Variants in MOV10 observed in about 807,000 individuals in gnomAD.
MOV10 encodes the protein RNA helicase MOV-10.
In MOV10, 39 loss-of-function variants were observed where a neutral mutation model predicts 108.4. The ratio of observed to expected loss-of-function variants is 0.36; its 90% CI spans 0.28 to 0.47. The LOEUF is 0.47. Ranked by LOEUF, MOV10 falls within the 20% of genes least tolerant of loss-of-function variation. The pLI is 1.00. For missense variants in MOV10, 952 were observed against 1,297.6 expected (o/e 0.73, Z 4.09); for synonymous variants, 490 against 523.1 (o/e 0.94, Z 0.86).
chr1:112,680,992 G>A (rs1672604671), intron 2 of MOV10, among the ~76,000 whole-genome samples: 1 of 151,830 alleles, frequency 6.6e-6, no homozygotes, highest in African/African-American at 2.4e-5. Flanking sequence ...GTGAGCTACT[G>A]CACCCGGTTC....
Position 112,691,655 on chromosome 1 carries a change from G to T in MOV10, c.837-10G>T, listed in dbSNP as rs1231215566. The T allele has an allele frequency of 6.2e-7, 1 of 1,611,146 alleles. No individual in the cohort carries two copies. The highest frequency in any genetic ancestry group is 1.1e-5 in the South Asian group (1 of 90,994). ...GGGGTTTTCTGTGTTTTCTTCCCTC[G>T]ATTCTGCAGCGCTAAGGGCTATGAC... On this transcript the variant is annotated splice_polypyrimidine_tract_variant and intron_variant, in intron 5 of 20. Coordinates refer to ENST00000369645, the MANE Select transcript of MOV10 (RefSeq NM_001321324.2).
At position 112,690,098 on chromosome 1, in the gene MOV10, G is replaced by C; in HGVS notation, c.836G>C (p.Arg279Pro). ...ATAGAGGAAGGAGAGAGACCTGACC[G>C]GTAACTCCTCCCTCCAACTCAGCCC... ...NRIEEGERPDRAKGYDLELSM... is the reference protein window; with the variant it reads ...NRIEEGERPDPAKGYDLELSM... Residue 279 changes from arginine to proline, a missense_variant and splice_region_variant, in exon 5 of 21, where the codon CGC becomes CCC. By Grantham distance (103) the Arg-to-Pro change is moderately radical (BLOSUM62 -2). Coordinates refer to ENST00000369645, the MANE Select transcript of MOV10 (RefSeq NM_001321324.2). 1 of 1,612,432 alleles carries C rather than the reference G, an allele frequency of 6.2e-7. No individual in the cohort carries two copies. The highest frequency in any genetic ancestry group is 2.2e-5 in the East Asian group (1 of 44,848).
Position 112,698,770 on chromosome 1 carries a change from A to T in MOV10, c.2564A>T (p.Asp855Val). The T allele has an allele frequency of 6.2e-7, 1 of 1,614,102 alleles. No individual in the cohort carries two copies. The highest frequency in any genetic ancestry group is 8.5e-7 in the Non-Finnish European group (1 of 1,179,964). Reference sequence around the variant, plus strand: ...CTTGACAGGGAGCTTCGAGGACTGGATGACATCAAGGACTTGAAGGTGACA... The same window carrying T: ...CTTGACAGGGAGCTTCGAGGACTGGTTGACATCAAGGACTTGAAGGTGACA... ...TKLDRELRGL[D>V]DIKDLKVGSV... Residue 855 changes from aspartate to valine, a missense_variant, in exon 17 of 21, where the codon GAT (aspartate) becomes GTT (valine). Physicochemically the swap from Asp to Val is radical, Grantham distance 152. Transcript: ENST00000369645.
At chr1:112,689,377 T>TTCCCCC in intron 3 of MOV10, 38 bp from the exon 4 acceptor site, 1 of 792,810 alleles carries the variant, frequency 1.3e-6, no homozygotes, top group Non-Finnish European at 2.2e-6. Context: ...GTCAGACCGC[T>TTCCCCC]CCCACCCCAA....
Position 112,675,489 on chromosome 1 carries a change from C to T in MOV10, c.137+440C>T, listed in dbSNP as rs1672126358. ...AGCCCGAGCGCGGGCTTTACAGGGA[C>T]CTCTGCCACCTTGTTGAGGCGCTGC... On this transcript the variant is annotated intron_variant, in intron 2 of 20. Coordinates refer to ENST00000369645, the MANE Select transcript of MOV10 (RefSeq NM_001321324.2). The surrounding 1 kb of genome is among the most constrained non-coding windows in gnomAD (Gnocchi z 4.7). 6.6e-6 allele frequency among the ~76,000 whole-genome samples: 1 copy of T among 152,204 alleles called. No homozygotes were observed. The highest frequency in any genetic ancestry group is 6.5e-5 in the Admixed American group (1 of 15,282).
At chr1:112,692,952 A>T (rs920013649) in intron 7 of MOV10, 23 bp downstream of exon 7, 42 of 1,592,278 alleles carry the variant, frequency 2.6e-5, no homozygotes, top group Non-Finnish European at 3.2e-5. Context: ...ATTGAGTGTG[A>T]GGAGGGTGGG....
At chr1:112,685,759 TAA>T (rs1673032335) in intron 2 of MOV10, among the ~76,000 whole-genome samples, 5 of 152,062 alleles carry the variant, frequency 3.3e-5, no homozygotes, top group Non-Finnish European at 1.5e-5. Context: ...AAGAATATAA[TAA>T]GTTTGTGATT....
chr1:112,675,096 T>A lies in MOV10; in HGVS notation c.137+47T>A. 1 of 1,561,904 alleles carries A rather than the reference T, an allele frequency of 6.4e-7. No individual in the cohort carries two copies. Among genetic ancestry groups the A allele is most frequent in the Non-Finnish European group, 8.6e-7 (1 of 1,159,468 alleles). Reference sequence around the variant, plus strand: ...GCCCCGAATCGCGGGCCCAGCTTGCTGCCACGACCCCCGCGCGAGGGCCAC... The same window carrying A: ...GCCCCGAATCGCGGGCCCAGCTTGCAGCCACGACCCCCGCGCGAGGGCCAC... On this transcript the variant is annotated intron_variant, in intron 2 of 20. Coordinates refer to ENST00000369645, the MANE Select transcript of MOV10 (RefSeq NM_001321324.2). The surrounding 1 kb of genome is among the most constrained non-coding windows in gnomAD (Gnocchi z 4.7).
intron 2 of MOV10, among the ~76,000 whole-genome samples, chr1:112,679,411 T>C (rs899600487): frequency 6.6e-6 from 1 of 152,170 alleles, no homozygotes; most frequent in African/African-American, 2.4e-5. Flanking sequence ...GAGGATTGAA[T>C]GAGATAATGC....
At chr1:112,677,605 G>A (rs1478481445) in intron 2 of MOV10, among the ~76,000 whole-genome samples, 1 of 152,076 alleles carries the variant, frequency 6.6e-6, no homozygotes, top group African/African-American at 2.4e-5. Flanking sequence ...TAAAGCCAGT[G>A]TATTATGCTA....
chr1:112,695,207 G>GAC (rs1673960037), intron 10 of MOV10, among the ~76,000 whole-genome samples: 1 of 152,288 alleles, frequency 6.6e-6, no homozygotes. Flanking sequence ...GTGACAGAGT[G>GAC]AGACTCTGTC....
At chr1:112,699,663 G>A in intron 17 of MOV10, 22 bp from the exon 18 acceptor site, 1 of 1,614,090 alleles carries the variant, frequency 6.2e-7, no homozygotes, top group African/African-American at 1.3e-5. Flanking sequence ...CTGGTCTCAG[G>A]CCCTGCCTCT....
At chr1:112,678,734 A>G (rs937600911) in intron 2 of MOV10, among the ~76,000 whole-genome samples, 3 of 152,052 alleles carry the variant, frequency 2.0e-5, no homozygotes, top group African/African-American at 7.3e-5. Flanking sequence ...GGCCCTGGGT[A>G]GGCATTGTGA....
intron 2 of MOV10, among the ~76,000 whole-genome samples, chr1:112,681,652 T>C (rs1672660977): frequency 6.6e-6 from 1 of 152,062 alleles, no homozygotes; most frequent in South Asian, 2.1e-4. Flanking sequence ...TTGAAATGAA[T>C]CTACAGTGAA....
intron 10 of MOV10, 40 bp from the exon 11 acceptor site, chr1:112,695,376 C>T (rs764857324): frequency 1.2e-6 from 2 of 1,604,134 alleles, no homozygotes; most frequent in South Asian, 1.1e-5. Context: ...GGCTGAGTCT[C>T]AGGAACCTGC....
chr1:112,695,138 T>C (rs960991310), intron 10 of MOV10, among the ~76,000 whole-genome samples: 1 of 151,834 alleles, frequency 6.6e-6, no homozygotes, highest in Non-Finnish European at 1.5e-5. Context: ...ATGAAAAATA[T>C]GAAAAATAGC....
Position 112,698,270 on chromosome 1 carries a change from C to CCCG in MOV10, c.2317-16_2317-14dup. The CCCG allele has an allele frequency of 6.2e-7, 1 of 1,609,234 alleles. No homozygotes were observed. The highest frequency in any genetic ancestry group is 1.7e-4 in the Middle Eastern group (1 of 6,028). On this transcript the variant is annotated splice_polypyrimidine_tract_variant and intron_variant, in intron 15 of 20. Coordinates refer to ENST00000369645, the MANE Select transcript of MOV10 (RefSeq NM_001321324.2). The stretch of plus-strand genomic sequence containing the variant: ...GAGGGTGGTCTGGCTGACGGTTTCC[C>CCCG]CCGACCCCATGTCCAGGGCTTTCCC...
At chr1:112,689,212 A>C in intron 3 of MOV10, 74 bp downstream of exon 3, 5 of 1,452,752 alleles carry the variant, frequency 3.4e-6, no homozygotes, top group Non-Finnish European at 3.8e-6. Context: ...CTGTGTGAGG[A>C]AAGAGTGGGT....
chr1:112,678,716 A>G (rs1408432263), intron 2 of MOV10, among the ~76,000 whole-genome samples: 1 of 152,006 alleles, frequency 6.6e-6, no homozygotes, highest in East Asian at 1.9e-4. Context: ...AGAACGGGAG[A>G]CCAGCAGGGC....
Sources: gnomAD v4.1 joint callset for allele counts (sites outside exome capture counted in the v4.1 genomes callset) on GRCh38, gnomAD v4.1.1 for gene constraint, Gnocchi (gnomAD v3.1) non-coding constraint, MANE v1.5 for transcripts, NCBI Gene and HGNC (gene_info 2026-07-23, HGNC 2026-07-21) for gene names.